GLOD4: variants seen among roughly 807,000 people sequenced by gnomAD.
GLOD4 encodes the protein glyoxalase domain containing 4.
GLOD4 carries 44 observed loss-of-function variants against 39.1 expected under a neutral mutation model. The observed-to-expected ratio is 1.13, with a 90% CI of 0.88 to 1.45. The LOEUF (loss-of-function observed/expected upper bound fraction) is 1.45, where lower values mean the gene tolerates loss of function less well. Ranked by LOEUF, GLOD4 falls within the 40% of genes most tolerant of loss-of-function variation. GLOD4 has a pLI of 0.00. For missense variants in GLOD4, 405 were observed against 366.4 expected (o/e 1.11, Z -0.86); for synonymous variants, 145 against 135.0 (o/e 1.07, Z -0.52).
chr17:778,740 A>T lies in GLOD4; in HGVS notation c.95T>A (p.Leu32Gln). 6.3e-7 allele frequency: 1 copy of T among 1,595,562 alleles called. No homozygotes were observed. Among genetic ancestry groups the T allele is most frequent in the Non-Finnish European group, 8.6e-7 (1 of 1,163,128 alleles). ...FYRDVLGMKV[L>Q]RHEEFEEGCK... ...GCCTTCTTCAAATTCCTCATGCCGCAGAACCTGGTGTGAGATTTAGAATAA... is the reference window on the plus strand; with the variant it reads ...GCCTTCTTCAAATTCCTCATGCCGCTGAACCTGGTGTGAGATTTAGAATAA... Residue 32 changes from leucine to glutamine, a missense_variant, in exon 2 of 9, where the codon CTG becomes CAG. Coordinates refer to ENST00000301329, the MANE Select transcript of GLOD4 (RefSeq NM_016080.4).
At chr17:766,406 G>A (rs970307628) in intron 8 of GLOD4, among the ~76,000 whole-genome samples, 2 of 151,500 alleles carry the variant, frequency 1.3e-5, no homozygotes, top group Middle Eastern at 3.3e-3. Flanking sequence ...GACCATCCTG[G>A]CCAACATGGT....
rs143392677 is a variant in GLOD4 at position 761,384 on chromosome 17, A to T, written c.832-1146T>A. Among the ~76,000 whole-genome samples the T allele has an allele frequency of 3.0e-3, 452 of 152,372 alleles. 8 individuals carry two copies. Among genetic ancestry groups the T allele is most frequent in the African/African-American group, 0.011 (441 of 41,596 alleles). ...GATTTATTATCTTGATGAAAATAAG[A>T]ATTTAAAAATCAAAGATATGCTTAA... On this transcript the variant is annotated intron_variant, in intron 8 of 8. Transcript: ENST00000301329.
intron 1 of GLOD4, among the ~76,000 whole-genome samples, chr17:779,729 T>C (rs1157874676): frequency 6.6e-6 from 1 of 152,016 alleles, no homozygotes; most frequent in Non-Finnish European, 1.5e-5. Context: ...TCTCCTAACA[T>C]GTGATGGGAA....
intron 8 of GLOD4, among the ~76,000 whole-genome samples, chr17:761,970 G>A (rs1373499697): frequency 6.6e-6 from 1 of 152,230 alleles, no homozygotes; most frequent in African/African-American, 2.4e-5. Flanking sequence ...AAGAAGGTCA[G>A]AGGGTAGAGA....
At chr17:769,810 C>G in intron 8 of GLOD4, 59 bp downstream of exon 8, 7 of 1,007,118 alleles carry the variant, frequency 7.0e-6, no homozygotes, top group Non-Finnish European at 1.1e-5. Context: ...TCCTCCCACA[C>G]ACACTTAATG....
At chr17:782,664 A>G, upstream of GLOD4, 6 of 1,610,580 alleles carry the variant, frequency 3.7e-6, no homozygotes, top group Non-Finnish European at 5.1e-6. Context: ...TCGCTACGAT[A>G]AAGCTTATCC....
upstream of GLOD4, among the ~76,000 whole-genome samples, chr17:785,560 A>C (rs1910493989): frequency 6.6e-6 from 1 of 152,214 alleles, no homozygotes; most frequent in Non-Finnish European, 1.5e-5. Flanking sequence ...AGCGGTCGCC[A>C]GTAAGTGGCT....
At position 771,481 on chromosome 17, in the gene GLOD4, G is replaced by C; in HGVS notation, c.407-20C>G. The C allele has an allele frequency of 7.0e-7, 1 of 1,429,252 alleles. No homozygotes were observed. The highest frequency in any genetic ancestry group is 9.5e-7 in the Non-Finnish European group (1 of 1,049,572). 88.5% of individuals were successfully genotyped at this position (1,429,252 alleles called of 1,614,324 possible). A position where few individuals can be genotyped will look rare whatever the true frequency, so the allele number is the denominator to read the frequency against. On this transcript the variant is annotated intron_variant, in intron 4 of 8. Coordinates refer to ENST00000301329, the MANE Select transcript of GLOD4 (RefSeq NM_016080.4). ...CAGGATCTGTTGGGTAATAAAGCAG[G>C]AATAGACAGATCAATTTAATAGAAT...
chr17:760,541 C>T (rs911374988), intron 8 of GLOD4, among the ~76,000 whole-genome samples: 2 of 152,068 alleles, frequency 1.3e-5, no homozygotes, highest in East Asian at 1.9e-4. Flanking sequence ...GTGTGGCTGG[C>T]GGACCAACGA....
chr17:777,802 C>G (rs911823802), intron 2 of GLOD4: 1 of 152,204 alleles, frequency 6.6e-6, no homozygotes, highest in Non-Finnish European at 1.5e-5. Context: ...TTGTTATATT[C>G]ATAATGAGCC....
At chr17:783,160 T>C (rs1308062104), upstream of GLOD4, 1 of 1,614,168 alleles carries the variant, frequency 6.2e-7, no homozygotes, top group Non-Finnish European at 8.5e-7. Context: ...CGCAGGCTCA[T>C]TTCAGACGCT....
chr17:774,223 G>A (rs539509939), intron 4 of GLOD4, among the ~76,000 whole-genome samples: 43 of 152,258 alleles, frequency 2.8e-4, no homozygotes, highest in South Asian at 4.1e-4. Context: ...TGGAACAGAC[G>A]GATCTTTCTT....
intron 8 of GLOD4, among the ~76,000 whole-genome samples, chr17:765,831 C>T (rs1257864601): frequency 4.6e-5 from 7 of 150,694 alleles, no homozygotes; most frequent in Admixed American, 4.6e-4. Flanking sequence ...TGCCTGTAAT[C>T]CCAGCTACCA....
intron 2 of GLOD4, 143 bp from the exon 3 acceptor site, chr17:777,131 C>G (rs1909100101): frequency 1.4e-6 from 1 of 716,032 alleles, no homozygotes. Context: ...TCAGATGGTA[C>G]AGAAAGCAGC....
At chr17:784,890 G>A (rs1335605583), upstream of GLOD4, among the ~76,000 whole-genome samples, 1 of 152,122 alleles carries the variant, frequency 6.6e-6, no homozygotes, top group African/African-American at 2.4e-5. Flanking sequence ...GCACACAGAC[G>A]CCTAATACCC....
chr17:766,663 G>A (rs970800594), intron 8 of GLOD4, among the ~76,000 whole-genome samples: 2 of 152,132 alleles, frequency 1.3e-5, no homozygotes, highest in Admixed American at 6.6e-5. Context: ...ACTTTAGGAG[G>A]ATGAGGTGGG....
rs1272165035 is a variant in GLOD4, at chr17:782,003, G to A, written c.90+163C>T. ...TTCTCCAAGGCCTATGATCCCCAAC[G>A]GCAACTCGCCACGCTCCTGAAGCTG... On this transcript the variant is annotated intron_variant, in intron 1 of 8. Transcript: ENST00000301329. The A allele has an allele frequency of 8.4e-6, 5 of 597,704 alleles. No individual in the cohort carries two copies. The Admixed American group carries it at 1.2e-4, about 14-fold the overall frequency. 37.0% of individuals were successfully genotyped at this position (597,704 alleles called of 1,614,324 possible).
At chr17:768,488 G>T (rs949258296) in intron 8 of GLOD4, among the ~76,000 whole-genome samples, 2 of 141,220 alleles carry the variant, frequency 1.4e-5, no homozygotes, top group African/African-American at 5.4e-5. Flanking sequence ...AAGAAATCTG[G>T]AGAGGACGTG....
At chr17:782,704 C>T (rs770883839), upstream of GLOD4, 28 of 1,582,114 alleles carry the variant, frequency 1.8e-5, no homozygotes, top group South Asian at 2.7e-4. Context: ...TGATGTGGTT[C>T]TTGAGCCTGT....
Sources: allele counts gnomAD v4.1 joint callset (sites outside exome capture counted in the v4.1 genomes callset), GRCh38; gene constraint gnomAD v4.1.1; transcripts MANE v1.5; gene names NCBI Gene and HGNC (gene_info 2026-07-23, HGNC 2026-07-21).